The following ITGA2 variants were observed in gnomAD, a reference collection of about 807,000 sequenced individuals.
ITGA2 encodes the protein integrin subunit alpha 2.
A neutral mutation model predicts 146.3 loss-of-function variants in ITGA2; 101 were observed. The ratio of observed to expected loss-of-function variants is 0.69; its 90% confidence interval spans 0.59 to 0.81. The LOEUF (loss-of-function observed/expected upper bound fraction) is 0.81, where lower values mean the gene tolerates loss of function less well. ITGA2 is among the 40% of genes least tolerant of loss of function. The pLI, the probability that ITGA2 is intolerant of heterozygous loss-of-function variation, is 0.00. For missense variants in ITGA2, 1,281 were observed against 1,402.7 expected (o/e 0.91, Z 1.39); for synonymous variants, 477 against 487.1 (o/e 0.98, Z 0.27).
intron 12 of ITGA2, 99 bp from the exon 13 acceptor site, chr5:53,062,687 T>G: frequency 2.3e-6 from 3 of 1,320,432 alleles, no homozygotes; most frequent in Non-Finnish European, 3.3e-6. Flanking sequence ...TAGTAAACAC[T>G]CAATTTTTGT....
rs758273109 is a variant in ITGA2, at chr5:53,058,082, C to T, written c.1154C>T (p.Ala385Val). 2.5e-6 allele frequency: 4 copies of T among 1,610,832 alleles called. No individual in the cohort carries two copies. Among genetic ancestry groups the T allele is most frequent in the Admixed American group, 1.7e-5 (1 of 59,822 alleles). ...QMEMSQVGFS[A>V]DYSSQNDILM... ...GAAATGTCACAAGTGGGATTCAGTGCAGATTACTCTTCTCAAAATGTGCGT... is the reference window on the plus strand; with the variant it reads ...GAAATGTCACAAGTGGGATTCAGTGTAGATTACTCTTCTCAAAATGTGCGT... The change falls in exon 10 of 30, where the codon GCA (alanine) becomes GTA (valine). Residue 385 changes from alanine to valine, a missense_variant. Ala to Val is a moderately conservative substitution (Grantham distance 64). Coordinates refer to ENST00000296585, the MANE Select transcript of ITGA2 (RefSeq NM_002203.4).
intron 1 of ITGA2, among the ~76,000 whole-genome samples, chr5:53,024,476 G>C (rs1482234433): frequency 5.9e-5 from 9 of 152,110 alleles, no homozygotes; most frequent in Admixed American, 5.9e-4. Context: ...TGCTGAGAAA[G>C]TAAGAGTGAA....
In ITGA2 at chr5:53,090,686, A is replaced by ATT; in HGVS notation, c.*94_*95dup. ...GAATGGATTTCTTTTTAAATCCCAT[A>ATT]TTTTTTTTATCATGTCGTAGGTAAA... On this transcript the variant is annotated 3_prime_UTR_variant, in exon 30 of 30. Coordinates refer to ENST00000296585, the MANE Select transcript of ITGA2 (RefSeq NM_002203.4). 1 of 911,590 alleles carries ATT rather than the reference A, an allele frequency of 1.1e-6. No individual in the cohort carries two copies. The highest frequency in any genetic ancestry group is 1.7e-6 in the Non-Finnish European group (1 of 603,022). The allele number at this position is 911,590 out of a possible 1,614,324, so 56.5% of individuals were successfully genotyped here.
chr5:53,075,176 C>T, intron 22 of ITGA2, 39 bp downstream of exon 22: 1 of 1,602,196 alleles, frequency 6.2e-7, no homozygotes, highest in Non-Finnish European at 8.5e-7. Flanking sequence ...TGATGGATAG[C>T]TTTGTATTTC....
chr5:53,079,182 T>A (rs925708235), intron 24 of ITGA2, among the ~76,000 whole-genome samples: 2 of 152,140 alleles, frequency 1.3e-5, no homozygotes, highest in Non-Finnish European at 2.9e-5. Flanking sequence ...CATAGTTAAG[T>A]AAACAACTGG....
intron 1 of ITGA2, among the ~76,000 whole-genome samples, chr5:52,994,303 A>G (rs971039286): frequency 1.3e-5 from 2 of 152,204 alleles, no homozygotes; most frequent in African/African-American, 4.8e-5. Flanking sequence ...AGCATACTTA[A>G]CCAATTTCAG....
At chr5:53,054,085 T>C (rs1744516104) in intron 7 of ITGA2, among the ~76,000 whole-genome samples, 1 of 152,066 alleles carries the variant, frequency 6.6e-6, no homozygotes, top group African/African-American at 2.4e-5. Flanking sequence ...CATTATAGAA[T>C]ACAAAAAAGA....
rs1380200636 is a variant in ITGA2 at position 53,042,183 on chromosome 5, A to T, written c.257A>T (p.Asp86Val). ...GGAGATGTGTATAAATGTCCTGTTG[A>T]CCTATCCACTGCCACATGTGAAAAA... Reference protein sequence around the residue: ...RMGDVYKCPVDLSTATCEKLN... With the variant: ...RMGDVYKCPVVLSTATCEKLN... The change falls in exon 3 of 30, where the codon GAC becomes GTC. Residue 86 changes from aspartate to valine, a missense_variant. Physicochemically the swap from Asp to Val is radical, Grantham distance 152. This residue lies in a region of ITGA2 where 795 missense variants were observed against 841.7 expected (regional missense o/e 0.94). Coordinates refer to ENST00000296585, the MANE Select transcript of ITGA2 (RefSeq NM_002203.4). 2.5e-6 allele frequency: 4 copies of T among 1,613,206 alleles called. No individual in the cohort carries two copies. The Admixed American group carries it at 5.0e-5, about 20-fold the overall frequency.
chr5:53,024,676 T>G (rs1742855676), intron 1 of ITGA2, among the ~76,000 whole-genome samples: 1 of 152,146 alleles, frequency 6.6e-6, no homozygotes, highest in African/African-American at 2.4e-5. Flanking sequence ...CATGCCGTAT[T>G]AGGTGAGGAT....
At chr5:53,066,936 A>T (rs949461500) in intron 15 of ITGA2, among the ~76,000 whole-genome samples, 182 bp from the exon 16 acceptor site, 1 of 151,296 alleles carries the variant, frequency 6.6e-6, no homozygotes, top group Non-Finnish European at 1.5e-5. Context: ...TCACAAATTA[A>T]AAAAAAAATT....
intron 23 of ITGA2, among the ~76,000 whole-genome samples, chr5:53,077,051 C>T (rs1561148908): frequency 6.7e-6 from 1 of 148,940 alleles, no homozygotes; most frequent in Non-Finnish European, 1.5e-5. Flanking sequence ...CATATATATA[C>T]ACACACATGT....
chr5:53,039,691 G>C (rs1743682687), intron 2 of ITGA2, among the ~76,000 whole-genome samples: 1 of 124,664 alleles, frequency 8.0e-6, no homozygotes, highest in Non-Finnish European at 1.6e-5. Flanking sequence ...AGTGAACCAA[G>C]ATGGTGCCAC....
intron 19 of ITGA2, 92 bp downstream of exon 19, chr5:53,072,787 C>T (rs1184842112): frequency 1.8e-6 from 2 of 1,084,868 alleles, no homozygotes; most frequent in Non-Finnish European, 2.7e-6. Context: ...AGTTTTTCTA[C>T]AAAAGAAACA....
intron 2 of ITGA2, among the ~76,000 whole-genome samples, chr5:53,034,828 G>A (rs780606296): frequency 2.0e-5 from 3 of 152,144 alleles, no homozygotes; most frequent in African/African-American, 4.8e-5. Context: ...TTAACTTGCT[G>A]TGCCCCATAT....
rs1331090872 is a variant in ITGA2, at chr5:53,045,097, G to A, written c.387+5G>A. The stretch of plus-strand genomic sequence containing the variant: ...ATGGGAACTGGAGGTTTTCTCGTGA[G>A]TGTTTACTTTACAAATCATTATTCC... On this transcript the variant is annotated splice_donor_5th_base_variant and intron_variant, in intron 4 of 29. Coordinates refer to ENST00000296585, the MANE Select transcript of ITGA2 (RefSeq NM_002203.4). The A allele has an allele frequency of 6.2e-7, 1 of 1,604,636 alleles. No homozygotes were observed. The highest frequency in any genetic ancestry group is 8.5e-7 in the Non-Finnish European group (1 of 1,171,390).
chr5:52,999,191 C>T (rs755205676), intron 1 of ITGA2, among the ~76,000 whole-genome samples: 18 of 151,936 alleles, frequency 1.2e-4, no homozygotes, highest in East Asian at 1.9e-4. Context: ...TCTCTCCCAC[C>T]GAATACATTC....
intron 1 of ITGA2, among the ~76,000 whole-genome samples, chr5:53,012,515 G>T (rs1742185459): frequency 6.6e-6 from 1 of 152,036 alleles, no homozygotes; most frequent in Admixed American, 6.6e-5. Context: ...TGGGCATTTA[G>T]GTTGACTCCA....
At chr5:53,085,701 T>C (rs1044108783) in intron 27 of ITGA2, among the ~76,000 whole-genome samples, 2 of 152,200 alleles carry the variant, frequency 1.3e-5, no homozygotes, top group Non-Finnish European at 2.9e-5. Context: ...ATACATTCTT[T>C]CTGGCTCCCA....
chr5:53,006,774 A>G (rs1741878750), intron 1 of ITGA2, among the ~76,000 whole-genome samples: 1 of 152,182 alleles, frequency 6.6e-6, no homozygotes, highest in Non-Finnish European at 1.5e-5. Flanking sequence ...CTGTTTTCAC[A>G]GTGCCAGATA....
Sources: gnomAD v4.1 joint callset for allele counts (sites outside exome capture counted in the v4.1 genomes callset) on GRCh38, gnomAD v4.1.1 for gene constraint, gnomAD v4.1.1 regional missense constraint, MANE v1.5 for transcripts, NCBI Gene and HGNC (gene_info 2026-07-23, HGNC 2026-07-21) for gene names.